Variants in MACROD2 observed in about 807,000 individuals in gnomAD.
The protein encoded by MACROD2 is mono-ADP ribosylhydrolase 2, also known as ADP-ribose glycohydrolase MACROD2.
In MACROD2, 36 loss-of-function variants were observed where a neutral mutation model predicts 70.4. The observed-to-expected ratio is 0.51, with a 90% CI of 0.39 to 0.68. The LOEUF (loss-of-function observed/expected upper bound fraction) is 0.68. Ranked by LOEUF, MACROD2 falls within the 30% of genes least tolerant of loss-of-function variation. MACROD2 has a pLI of 0.00. For missense variants in MACROD2, 496 were observed against 538.4 expected (o/e 0.92, Z 0.78); for synonymous variants, 172 against 178.8 (o/e 0.96, Z 0.30).
At chr20:15,270,870 G>T (rs2146066799) in intron 6 of MACROD2, among the ~76,000 whole-genome samples, 1 of 152,240 alleles carries the variant, frequency 6.6e-6, no homozygotes, top group Non-Finnish European at 1.5e-5. Context: ...CCTCCTCTGT[G>T]CAGCTATTTT....
At chr20:15,465,160 A>G (rs1486142978) in intron 7 of MACROD2, among the ~76,000 whole-genome samples, 2 of 152,226 alleles carry the variant, frequency 1.3e-5, no homozygotes, top group African/African-American at 4.8e-5. Context: ...CCACATTTAT[A>G]TGTAGGAATT....
At chr20:14,898,170 A>T (rs1171379639) in intron 5 of MACROD2, among the ~76,000 whole-genome samples, 1 of 152,188 alleles carries the variant, frequency 6.6e-6, no homozygotes, top group Non-Finnish European at 1.5e-5. Flanking sequence ...AAATATTATC[A>T]TCCATTAAAT....
intron 6 of MACROD2, among the ~76,000 whole-genome samples, chr20:15,423,003 G>A (rs1053146116): frequency 6.6e-6 from 1 of 152,078 alleles, no homozygotes; most frequent in African/African-American, 2.4e-5. Flanking sequence ...GACTCTTTAA[G>A]CAATTTTATT....
chr20:15,107,818 C>G (rs1023505064), intron 5 of MACROD2, among the ~76,000 whole-genome samples: 8 of 151,886 alleles, frequency 5.3e-5, no homozygotes. Context: ...GGGATTTTTA[C>G]TGTTTGGAAT....
chr20:15,940,310 G>A (rs1405902285), intron 12 of MACROD2, among the ~76,000 whole-genome samples: 1 of 151,694 alleles, frequency 6.6e-6, no homozygotes, highest in African/African-American at 2.4e-5. Context: ...TATTCAGGCT[G>A]GTTGCGAAAT....
chr20:14,866,667 A>C (rs552746969), intron 5 of MACROD2, among the ~76,000 whole-genome samples: 1 of 152,206 alleles, frequency 6.6e-6, no homozygotes, highest in Middle Eastern at 3.4e-3. Context: ...CTACTATTAC[A>C]TATTGGGCTT....
chr20:15,142,754 AC>A (rs1349334011), intron 5 of MACROD2, among the ~76,000 whole-genome samples: 1 of 151,016 alleles, frequency 6.6e-6, no homozygotes, highest in Non-Finnish European at 1.5e-5. Context: ...GAGTGAGAAC[AC>A]GTGGTGTTTG....
At chr20:14,352,482 A>G (rs1203604938) in intron 3 of MACROD2, 1 of 152,128 alleles carries the variant, frequency 6.6e-6, no homozygotes, top group Non-Finnish European at 1.5e-5. Context: ...ATTTATTAGG[A>G]TAACTTCTTT....
intron 5 of MACROD2, among the ~76,000 whole-genome samples, chr20:15,091,632 G>T (rs2075793915): frequency 1.3e-5 from 2 of 152,046 alleles, no homozygotes; most frequent in Non-Finnish European, 2.9e-5. Flanking sequence ...CCATTGCCTG[G>T]TTCTCTGTGG....
chr20:15,568,256 G>T (rs1192557002), intron 8 of MACROD2, among the ~76,000 whole-genome samples: 1 of 152,136 alleles, frequency 6.6e-6, no homozygotes, highest in Non-Finnish European at 1.5e-5. Flanking sequence ...TTTCTTTCCT[G>T]GTAAAATGGA....
chr20:14,727,434 C>T (rs1418405222), intron 5 of MACROD2, among the ~76,000 whole-genome samples: 2 of 152,002 alleles, frequency 1.3e-5, no homozygotes, highest in Non-Finnish European at 2.9e-5. Context: ...ACTTGGGAGG[C>T]TGAGGTAGGA....
Position 14,256,308 on chromosome 20 carries a change from G to A in MACROD2, c.271+170580G>A, listed in dbSNP as rs142047772. On this transcript the variant is annotated intron_variant, in intron 3 of 17. Coordinates refer to ENST00000684519, the MANE Select transcript of MACROD2 (RefSeq NM_001351661.2). ...ACCAACTTTTAAAGAAATTCCTCAC[G>A]CATATTGATCATAATTATTTCAAAG... is the stretch of plus-strand genomic sequence containing the variant. Among the ~76,000 whole-genome samples the A allele has an allele frequency of 2.1e-3, 315 of 151,884 alleles. 1 individual carries two copies. The highest frequency in any genetic ancestry group is 7.2e-3 in the African/African-American group (300 of 41,414).
At chr20:14,941,383 G>A (rs2074388251) in intron 5 of MACROD2, among the ~76,000 whole-genome samples, 1 of 152,074 alleles carries the variant, frequency 6.6e-6, no homozygotes, top group Admixed American at 6.6e-5. Context: ...GATGCTTCCT[G>A]TGGCTTGAAA....
intron 8 of MACROD2, among the ~76,000 whole-genome samples, chr20:15,792,810 G>A (rs1250941658): frequency 6.6e-6 from 1 of 152,158 alleles, no homozygotes; most frequent in African/African-American, 2.4e-5. Flanking sequence ...TGATGCCTCT[G>A]ATGGGAATTT....
intron 13 of MACROD2, among the ~76,000 whole-genome samples, chr20:15,968,525 A>G (rs1269007511): frequency 6.6e-6 from 1 of 152,050 alleles, no homozygotes; most frequent in Non-Finnish European, 1.5e-5. Context: ...CTATATGGTA[A>G]GAGACTAATT....
intron 5 of MACROD2, among the ~76,000 whole-genome samples, chr20:14,705,486 C>T (rs1046956764): frequency 1.3e-5 from 2 of 152,136 alleles, no homozygotes; most frequent in Non-Finnish European, 2.9e-5. Flanking sequence ...TGCCAGCCAT[C>T]TCTTCTTGGA....
chr20:15,587,359 T>G (rs750788808), intron 8 of MACROD2, among the ~76,000 whole-genome samples: 2 of 152,144 alleles, frequency 1.3e-5, no homozygotes, highest in African/African-American at 2.4e-5. Context: ...CAATTCAAGT[T>G]GAGATTTGAA....
chr20:14,963,085 A>G (rs1295720971), intron 5 of MACROD2, among the ~76,000 whole-genome samples: 1 of 152,176 alleles, frequency 6.6e-6, no homozygotes. Flanking sequence ...AAATAAAAAA[A>G]CTGTACCATA....
intron 6 of MACROD2, among the ~76,000 whole-genome samples, chr20:15,241,025 G>A (rs1378356504): frequency 1.3e-5 from 2 of 152,170 alleles, no homozygotes; most frequent in South Asian, 2.1e-4. Context: ...GCTGATTAAT[G>A]CAGTGAGTAT....
Sources: gnomAD v4.1 joint callset for allele counts (sites outside exome capture counted in the v4.1 genomes callset) on GRCh38, gnomAD v4.1.1 for gene constraint, MANE v1.5 for transcripts, NCBI Gene and HGNC (gene_info 2026-07-23, HGNC 2026-07-21) for gene names.